BNC2: variants seen among roughly 807,000 people sequenced by gnomAD.
The protein encoded by BNC2 is basonuclin zinc finger protein 2, also known as zinc finger protein basonuclin-2.
Under a neutral mutation model 76.3 loss-of-function variants are expected in BNC2, and 20 were observed. That is an observed-to-expected ratio of 0.26 (90% CI 0.18 to 0.38). The LOEUF is 0.38. BNC2 is among the 10% of genes least tolerant of loss of function. The probability of loss-of-function intolerance (pLI) is 1.00; values close to 1 mark genes in which losing one functional copy is unlikely to be tolerated. For missense variants in BNC2, 1,382 were observed against 1,399.8 expected, an observed-to-expected ratio of 0.99 and a Z score of 0.20; for synonymous variants, 582 against 514.8, an observed-to-expected ratio of 1.13 and a Z score of -1.77.
intron 3 of BNC2, among the ~76,000 whole-genome samples, chr9:16,674,140 T>C (rs1285427955): frequency 6.6e-6 from 1 of 152,320 alleles, no homozygotes; most frequent in East Asian, 1.9e-4. Flanking sequence ...CTCATCTTTG[T>C]TTTAGTGCAG....
intron 5 of BNC2, among the ~76,000 whole-genome samples, chr9:16,551,371 A>T (rs2132521416): frequency 6.6e-6 from 1 of 152,308 alleles, no homozygotes; most frequent in South Asian, 2.1e-4. Flanking sequence ...AATGACAAGA[A>T]TCTGTGTGTT....
rs150945065 is a variant in BNC2 at position 16,865,452 on chromosome 9, C to T, written c.3+5194G>A. Among the ~76,000 whole-genome samples the T allele has an allele frequency of 6.0e-3, 907 of 152,256 alleles. 7 individuals carry two copies. Among genetic ancestry groups the T allele is most frequent in the Non-Finnish European group, 7.5e-3 (507 of 68,024 alleles). The stretch of plus-strand genomic sequence containing the variant: ...TCATTGAAAAACTTCACAGCAGTTA[C>T]TAGCAATTTGTGAAGTACCAGGCAA... On this transcript the variant is annotated intron_variant, in intron 1 of 6. Transcript: ENST00000380672.
rs561776274 is a variant in BNC2 at position 16,621,079 on chromosome 9, G to C, written c.331-37994C>G. On this transcript the variant is annotated intron_variant, in intron 3 of 6. Transcript: ENST00000380672. ...GCCTGGTGACAGCAATGTCCAGGCC[G>C]TAAGTAATGTTCAAAGGATTCAACA... Among the ~76,000 whole-genome samples the C allele has an allele frequency of 2.0e-5, 3 of 152,182 alleles. No homozygotes were observed. The South Asian group carries it at 6.2e-4, about 31-fold the overall frequency.
intron 1 of BNC2, among the ~76,000 whole-genome samples, chr9:16,759,243 C>T (rs1825481269): frequency 6.6e-6 from 1 of 152,094 alleles, no homozygotes; most frequent in Admixed American, 6.5e-5. Flanking sequence ...TCACTAATTG[C>T]TTTTACTATT....
chr9:16,682,404 A>G (rs1402256947), intron 3 of BNC2, among the ~76,000 whole-genome samples: 1 of 151,646 alleles, frequency 6.6e-6, no homozygotes, highest in African/African-American at 2.4e-5. Flanking sequence ...AGCCGAGCTC[A>G]TCTCCGTGAT....
Position 16,510,809 on chromosome 9 carries a change from A to G in BNC2, c.669+41721T>C, listed in dbSNP as rs555104694. On this transcript the variant is annotated intron_variant, in intron 5 of 6. Coordinates refer to ENST00000380672, the MANE Select transcript of BNC2 (RefSeq NM_017637.6). ...CACTGCCAGGGTGGTATTTGGTGCT[A>G]AAGTGAGGGAACTGAAAATTTAACT... Among the ~76,000 whole-genome samples the G allele has an allele frequency of 2.0e-5, 3 of 152,318 alleles. No homozygotes were observed. In the East Asian group the frequency reaches 5.8e-4, roughly 29 times the overall value.
chr9:16,621,465 C>T (rs1350795515), intron 3 of BNC2, among the ~76,000 whole-genome samples: 2 of 152,134 alleles, frequency 1.3e-5, no homozygotes, highest in Admixed American at 1.3e-4. Flanking sequence ...TATTACTAAG[C>T]ATTTGCCAAG....
intron 3 of BNC2, among the ~76,000 whole-genome samples, chr9:16,668,574 C>T (rs570333221): frequency 1.6e-4 from 24 of 152,266 alleles, no homozygotes; most frequent in African/African-American, 5.8e-4. Flanking sequence ...AATGACTAGG[C>T]CTATGCTAAA....
chr9:16,518,995 C>T (rs2132043527), intron 5 of BNC2, among the ~76,000 whole-genome samples: 1 of 152,304 alleles, frequency 6.6e-6, no homozygotes, highest in East Asian at 1.9e-4. Flanking sequence ...GTGTTATCAG[C>T]ATGTCTCTAT....
At chr9:16,717,016 C>T (rs1403867519) in intron 3 of BNC2, among the ~76,000 whole-genome samples, 2 of 152,008 alleles carry the variant, frequency 1.3e-5, no homozygotes, top group African/African-American at 4.8e-5. Flanking sequence ...AAGAAAATAC[C>T]GTAAACATGA....
At chr9:16,713,843 G>C (rs540586026) in intron 3 of BNC2, among the ~76,000 whole-genome samples, 5 of 152,202 alleles carry the variant, frequency 3.3e-5, no homozygotes, top group African/African-American at 1.2e-4. Flanking sequence ...GGGAGGCTGA[G>C]GTGGGCAGAT....
intron 3 of BNC2, among the ~76,000 whole-genome samples, chr9:16,694,276 A>G (rs1823269968): frequency 6.6e-6 from 1 of 152,234 alleles, no homozygotes; most frequent in South Asian, 2.1e-4. Context: ...TTGTGGCATC[A>G]GAAAGGGAAA....
chr9:16,673,214 T>C (rs1587300270), intron 3 of BNC2, among the ~76,000 whole-genome samples: 1 of 152,200 alleles, frequency 6.6e-6, no homozygotes, highest in East Asian at 1.9e-4. Flanking sequence ...AACCTTTGTT[T>C]ATTCAAGAAA....
chr9:16,587,174 A>G (rs907101744), intron 3 of BNC2, among the ~76,000 whole-genome samples: 1 of 149,788 alleles, frequency 6.7e-6, no homozygotes, highest in Non-Finnish European at 1.5e-5. Context: ...ATCAGAAACA[A>G]CTCTCCATTC....
intron 1 of BNC2, among the ~76,000 whole-genome samples, chr9:16,785,807 C>A (rs1304738312): frequency 2.1e-4 from 29 of 136,934 alleles, no homozygotes; most frequent in Non-Finnish European, 2.3e-4. Flanking sequence ...ATGCTGTCTC[C>A]AAAAAAAAAA....
chr9:16,644,779 G>A (rs886740074), intron 3 of BNC2, among the ~76,000 whole-genome samples: 6 of 152,200 alleles, frequency 3.9e-5, no homozygotes, highest in African/African-American at 7.2e-5. Flanking sequence ...TCAAGGAGGG[G>A]ATGAGCTTCC....
At chr9:16,790,509 T>C (rs1412943659) in intron 1 of BNC2, among the ~76,000 whole-genome samples, 3 of 152,258 alleles carry the variant, frequency 2.0e-5, no homozygotes, top group Non-Finnish European at 4.4e-5. Context: ...GAATGCCTTA[T>C]TCTCGTTGCT....
chr9:16,679,823 G>A (rs1822769258), intron 3 of BNC2, among the ~76,000 whole-genome samples: 1 of 152,250 alleles, frequency 6.6e-6, no homozygotes, highest in Non-Finnish European at 1.5e-5. Context: ...CTTGGCTCCT[G>A]CCAGAGGAGT....
intron 3 of BNC2, among the ~76,000 whole-genome samples, chr9:16,689,949 C>A (rs946488219): frequency 6.6e-6 from 1 of 152,170 alleles, no homozygotes; most frequent in Non-Finnish European, 1.5e-5. Context: ...GATGAAGATG[C>A]ACGCTAAACA....
Sources: allele counts gnomAD v4.1 joint callset (sites outside exome capture counted in the v4.1 genomes callset), GRCh38; gene constraint gnomAD v4.1.1; transcripts MANE v1.5; gene names NCBI Gene and HGNC (gene_info 2026-07-23, HGNC 2026-07-21).